Variants in ZNF385D observed in about 807,000 individuals in gnomAD.
ZNF385D encodes zinc finger protein 385D, also known as zinc finger protein 659.
ZNF385D carries 15 observed loss-of-function variants against 35.8 expected under a neutral mutation model. The ratio of observed to expected loss-of-function variants is 0.42; its 90% confidence interval spans 0.28 to 0.64. ZNF385D has a LOEUF of 0.64. ZNF385D is among the 30% of genes least tolerant of loss of function. The probability of loss-of-function intolerance (pLI) is 0.23; values close to 1 mark genes in which losing one functional copy is unlikely to be tolerated. For synonymous variants in ZNF385D, 212 were observed against 186.8 expected (o/e 1.13, Z -1.10); for missense variants, 474 against 494.6 (o/e 0.96, Z 0.39).
chr3:21,425,085 A>G (rs768839730), intron 6 of ZNF385D, among the ~76,000 whole-genome samples: 70 of 152,348 alleles, frequency 4.6e-4, no homozygotes, highest in Non-Finnish European at 7.8e-4. Context: ...TCAGTGTAAA[A>G]TTACTTGTAG....
intron 3 of ZNF385D, among the ~76,000 whole-genome samples, chr3:22,035,173 A>G (rs1229983042): frequency 6.6e-6 from 1 of 152,204 alleles, no homozygotes; most frequent in African/African-American, 2.4e-5. Flanking sequence ...AATCACTTGT[A>G]TCATTTAGTT....
intron 2 of ZNF385D, among the ~76,000 whole-genome samples, chr3:21,611,690 G>C (rs528034329): frequency 2.0e-5 from 3 of 152,078 alleles, no homozygotes; most frequent in Admixed American, 1.3e-4. Flanking sequence ...CTCATTTGCT[G>C]CAAGCCCATG....
chr3:21,541,583 T>C (rs527794088), intron 3 of ZNF385D, among the ~76,000 whole-genome samples: 1 of 152,118 alleles, frequency 6.6e-6, no homozygotes, highest in Admixed American at 6.6e-5. Flanking sequence ...TTAATATGAG[T>C]TACCTTTTCT....
intron 3 of ZNF385D, among the ~76,000 whole-genome samples, chr3:21,857,120 C>T (rs903377950): frequency 2.0e-5 from 3 of 152,128 alleles, no homozygotes; most frequent in Non-Finnish European, 4.4e-5. Flanking sequence ...TCTCAGCCCT[C>T]ACCAACTCTC....
chr3:21,726,940 A>G (rs892828434), intron 1 of ZNF385D, among the ~76,000 whole-genome samples: 3 of 152,202 alleles, frequency 2.0e-5, no homozygotes, highest in African/African-American at 7.2e-5. Flanking sequence ...GGCTGTAGTA[A>G]CCAGAACAGC....
chr3:21,716,252 G>A (rs2068314553), intron 1 of ZNF385D, among the ~76,000 whole-genome samples: 1 of 151,950 alleles, frequency 6.6e-6, no homozygotes, highest in Non-Finnish European at 1.5e-5. Context: ...TCCCAACACA[G>A]CAGCCACACA....
chr3:22,336,099 G>A (rs1183369009), intron 2 of ZNF385D, among the ~76,000 whole-genome samples: 3 of 152,144 alleles, frequency 2.0e-5, no homozygotes, highest in Admixed American at 2.0e-4. Flanking sequence ...GAAAGATTGG[G>A]ACTAATCCTT....
intron 1 of ZNF385D, 91 bp from the exon 2 acceptor site, chr3:21,665,119 G>C: frequency 6.9e-7 from 1 of 1,439,760 alleles, no homozygotes. Flanking sequence ...GGCCAGCTTT[G>C]TGGGTCACTG....
chr3:22,106,604 C>G (rs1702226077), intron 3 of ZNF385D, among the ~76,000 whole-genome samples: 1 of 152,086 alleles, frequency 6.6e-6, no homozygotes, highest in Non-Finnish European at 1.5e-5. Context: ...CAGTCCCTGC[C>G]CCCTTGGTTT....
intron 3 of ZNF385D, among the ~76,000 whole-genome samples, chr3:22,123,500 T>G (rs1284405093): frequency 6.6e-6 from 1 of 152,176 alleles, no homozygotes; most frequent in African/African-American, 2.4e-5. Context: ...CATTTCTTTG[T>G]TACAAACTTT....
chr3:21,593,916 C>T (rs1301481781), intron 2 of ZNF385D, among the ~76,000 whole-genome samples: 1 of 152,046 alleles, frequency 6.6e-6, no homozygotes, highest in Admixed American at 6.6e-5. Flanking sequence ...CCACAAAGAC[C>T]CAACTTCACT....
rs543138588 is a variant in ZNF385D, at chr3:21,932,166, CAAAAAAAAAAAAAAAAAAAAAA to C, written c.325+236629_325+236650del. Among the ~76,000 whole-genome samples the C allele has an allele frequency of 5.8e-3, 322 of 55,348 alleles. 4 individuals are homozygous for C. Among genetic ancestry groups the C allele is most frequent in the African/African-American group, 0.024 (305 of 12,636 alleles). The allele number at this position is 55,348 out of a possible 152,430, so 36.3% of individuals were successfully genotyped here. A position where few individuals can be genotyped will look rare whatever the true frequency, so the allele number is the denominator to read the frequency against. ...TGGGCGAAAGAGCAAGACTCATTCT[CAAAAAAAAAAAAAAAAAAAAAA>C]AAAAAAGTGTGACTTGATCAAGGCA... On this transcript the variant is annotated intron_variant, in intron 3 of 5. Coordinates refer to the ZNF385D transcript ENST00000494108.
chr3:22,004,521 CA>C (rs1265557308), intron 3 of ZNF385D, among the ~76,000 whole-genome samples: 1 of 152,160 alleles, frequency 6.6e-6, no homozygotes, highest in Non-Finnish European at 1.5e-5. Flanking sequence ...AAAGTGTTTG[CA>C]AATTATTCAT....
intron 3 of ZNF385D, among the ~76,000 whole-genome samples, chr3:21,921,620 A>G (rs937068668): frequency 2.0e-5 from 3 of 152,146 alleles, no homozygotes; most frequent in African/African-American, 2.4e-5. Context: ...GTAGATGGAG[A>G]AAACACCTAA....
chr3:21,739,503 C>A (rs1032550011), intron 1 of ZNF385D, among the ~76,000 whole-genome samples: 1 of 152,160 alleles, frequency 6.6e-6, no homozygotes, highest in Admixed American at 6.5e-5. Context: ...AATGGATAAA[C>A]AAGGTCGACA....
chr3:21,986,559 A>C (rs1214805846), intron 3 of ZNF385D, among the ~76,000 whole-genome samples: 2 of 147,494 alleles, frequency 1.4e-5, no homozygotes, highest in East Asian at 3.9e-4. Context: ...CTGTTCTTTT[A>C]CATTTGCTGT....
At chr3:22,033,668 G>C (rs1006302598) in intron 3 of ZNF385D, among the ~76,000 whole-genome samples, 4 of 151,794 alleles carry the variant, frequency 2.6e-5, no homozygotes, top group African/African-American at 9.7e-5. Context: ...AAGAAATTAA[G>C]GTGATTATAA....
intron 3 of ZNF385D, among the ~76,000 whole-genome samples, chr3:21,518,736 T>C (rs950017170): frequency 6.6e-6 from 1 of 152,190 alleles, no homozygotes; most frequent in Non-Finnish European, 1.5e-5. Flanking sequence ...AGAGATTGTC[T>C]TCTCTACTGC....
chr3:21,746,100 C>T (rs1221944788), intron 1 of ZNF385D, among the ~76,000 whole-genome samples: 6 of 152,276 alleles, frequency 3.9e-5, no homozygotes, highest in East Asian at 1.9e-4. Flanking sequence ...GTCTTATCAA[C>T]GGAGCGTTCA....
Sources: gnomAD v4.1 joint callset for allele counts (sites outside exome capture counted in the v4.1 genomes callset) on GRCh38, gnomAD v4.1.1 for gene constraint, MANE v1.5 for transcripts, NCBI Gene and HGNC (gene_info 2026-07-23, HGNC 2026-07-21) for gene names.